Variants in SEMA6D observed in about 807,000 individuals in gnomAD.
The protein encoded by SEMA6D is semaphorin-6D.
Under a neutral mutation model 106.6 loss-of-function variants are expected in SEMA6D, and 35 were observed. The observed-to-expected ratio is 0.33, with a 90% CI of 0.25 to 0.44. SEMA6D has a LOEUF of 0.44. Among genes scored for constraint, SEMA6D ranks in the 20% least tolerant of loss-of-function variants. The pLI is 1.00. For missense variants in SEMA6D, 1,185 were observed against 1,345.9 expected (o/e 0.88, Z 1.87); for synonymous variants, 499 against 487.7 (o/e 1.02, Z -0.31).
At chr15:47,263,602 G>C (rs375194454) in intron 1 of SEMA6D, among the ~76,000 whole-genome samples, 9 of 152,092 alleles carry the variant, frequency 5.9e-5, no homozygotes, top group African/African-American at 2.2e-4. Flanking sequence ...GCTGGTGAGA[G>C]TGTAAATTAG....
chr15:47,694,246 A>T (rs2078652809), intron 4 of SEMA6D, among the ~76,000 whole-genome samples: 1 of 152,150 alleles, frequency 6.6e-6, no homozygotes, highest in Admixed American at 6.6e-5. Context: ...ACATTAATCT[A>T]ATGCAGCAAT....
exon 1 of SEMA6D, chr15:47,184,152 A>C (rs931021339): frequency 6.5e-6 from 1 of 152,932 alleles, no homozygotes; most frequent in African/African-American, 2.4e-5. Flanking sequence ...CTGAGGTGAC[A>C]GGGTGTGGTC....
intron 1 of SEMA6D, among the ~76,000 whole-genome samples, chr15:47,314,253 A>C (rs374384426): frequency 1.2e-4 from 18 of 152,214 alleles, no homozygotes; most frequent in East Asian, 5.8e-4. Flanking sequence ...TTGTCTGCTA[A>C]GATCTTTGGG....
At position 47,764,257 on chromosome 15, in the gene SEMA6D, C is replaced by A; in HGVS notation, c.1049C>A (p.Pro350Gln). Residue 350 changes from proline to glutamine, a missense_variant, in exon 11 of 19, where the codon CCA becomes CAA. This residue lies in a region of SEMA6D where 291 missense variants were observed against 423.8 expected (regional missense o/e 0.69). Coordinates refer to ENST00000536845, the MANE Select transcript of SEMA6D (RefSeq NM_001358351.3). ...GGACGGTTTAAGGAACAGAAAACTCCAGATTCTGTTTGGACAGCAGTTCCC... is the reference window on the plus strand; with the variant it reads ...GGACGGTTTAAGGAACAGAAAACTCAAGATTCTGTTTGGACAGCAGTTCCC... ...FKGRFKEQKT[P>Q]DSVWTAVPED... 1 of 1,613,746 alleles carries A rather than the reference C, an allele frequency of 6.2e-7. No homozygotes were observed. The highest frequency in any genetic ancestry group is 8.5e-7 in the Non-Finnish European group (1 of 1,179,748).
intron 4 of SEMA6D, among the ~76,000 whole-genome samples, chr15:47,691,844 G>C (rs987309364): frequency 4.0e-5 from 4 of 100,944 alleles, no homozygotes; most frequent in Non-Finnish European, 9.0e-5. Context: ...TGGAAGAAAA[G>C]ACAGTAAAAA....
In SEMA6D at chr15:47,341,070, G is replaced by A. The variant is rs149702490; in HGVS notation, c.-238-71323G>A. Among the ~76,000 whole-genome samples the A allele has an allele frequency of 2.0e-4, 31 of 152,220 alleles. No individual in the cohort carries two copies. The East Asian group carries it at 5.2e-3, about 26-fold the overall frequency. On this transcript the variant is annotated intron_variant, in intron 1 of 19. Coordinates refer to the SEMA6D transcript ENST00000558014. ...CTCTCATGTCAGTCAGTGGATTCAG[G>A]TTATGTTTTTTAACAATACCAAAGG...
intron 4 of SEMA6D, among the ~76,000 whole-genome samples, chr15:47,605,093 T>C (rs2076751010): frequency 6.6e-6 from 1 of 152,174 alleles, no homozygotes; most frequent in Non-Finnish European, 1.5e-5. Flanking sequence ...ACATAGTTTC[T>C]GAGAGTCAGG....
rs943743338 is a variant in SEMA6D, at chr15:47,546,122, G to A, written c.-86-54743G>A. Reference sequence around the variant, plus strand: ...TGGAAGGGGTAGGGAAACTTTCAGCGTTGTTATTTGCTGGCATAGAAAGTT... The same window carrying A: ...TGGAAGGGGTAGGGAAACTTTCAGCATTGTTATTTGCTGGCATAGAAAGTT... On this transcript the variant is annotated intron_variant, in intron 3 of 19. Transcript: ENST00000558014. 5.9e-5 allele frequency among the ~76,000 whole-genome samples: 9 copies of A among 152,150 alleles called. No homozygotes were observed. The South Asian group carries it at 1.0e-3, about 18-fold the overall frequency.
At chr15:47,356,332 A>G (rs1384071705) in intron 1 of SEMA6D, among the ~76,000 whole-genome samples, 1 of 152,226 alleles carries the variant, frequency 6.6e-6, no homozygotes, top group Admixed American at 6.5e-5. Context: ...AGAAAAGAAC[A>G]GAATTCAACA....
At chr15:47,594,277 T>G (rs2076496307) in intron 3 of SEMA6D, among the ~76,000 whole-genome samples, 1 of 152,126 alleles carries the variant, frequency 6.6e-6, no homozygotes, top group Admixed American at 6.5e-5. Context: ...TGGTCCCAGG[T>G]TTGGTTGGTT....
intron 4 of SEMA6D, among the ~76,000 whole-genome samples, chr15:47,617,651 A>G (rs1201018106): frequency 2.0e-5 from 3 of 152,228 alleles, no homozygotes; most frequent in Non-Finnish European, 2.9e-5. Context: ...CGGTTTCTAA[A>G]TATACCCTGC....
At chr15:47,199,596 T>C (rs1894584112) in intron 1 of SEMA6D, among the ~76,000 whole-genome samples, 1 of 152,168 alleles carries the variant, frequency 6.6e-6, no homozygotes, top group Non-Finnish European at 1.5e-5. Flanking sequence ...AAAAATGATG[T>C]AGTCCCATTG....
At chr15:47,341,761 ACT>A (rs1163091104) in intron 1 of SEMA6D, among the ~76,000 whole-genome samples, 1 of 152,114 alleles carries the variant, frequency 6.6e-6, no homozygotes, top group African/African-American at 2.4e-5. Context: ...CTCAGAGTAA[ACT>A]CTATAGCTAT....
In SEMA6D at chr15:47,642,060, A is replaced by C. The variant is rs149457632; in HGVS notation, c.-55+41164A>C. Among the ~76,000 whole-genome samples, 23 of 152,346 alleles carry C rather than the reference A, an allele frequency of 1.5e-4. No homozygotes were observed. In the East Asian group the frequency reaches 4.4e-3, roughly 29 times the overall value. ...TCGGTAAATGTTTGCTAAATGAATTATGATCTGTTTCCCCAGCCTTCTTAA... is the reference window on the plus strand; with the variant it reads ...TCGGTAAATGTTTGCTAAATGAATTCTGATCTGTTTCCCCAGCCTTCTTAA... On this transcript the variant is annotated intron_variant, in intron 4 of 19. Transcript: ENST00000558014.
At chr15:47,592,857 A>G (rs769015472) in intron 3 of SEMA6D, among the ~76,000 whole-genome samples, 2 of 152,242 alleles carry the variant, frequency 1.3e-5, no homozygotes, top group African/African-American at 2.4e-5. Context: ...AAAAGTAACA[A>G]TGTTGGCAAT....
At chr15:47,242,446 TG>T (rs2141790459) in intron 1 of SEMA6D, among the ~76,000 whole-genome samples, 1 of 152,266 alleles carries the variant, frequency 6.6e-6, no homozygotes, top group Admixed American at 6.5e-5. Flanking sequence ...GTTGTTCCTT[TG>T]TGTTCTGCAT....
intron 3 of SEMA6D, among the ~76,000 whole-genome samples, chr15:47,501,448 C>T (rs1435096152): frequency 6.6e-6 from 1 of 152,186 alleles, no homozygotes; most frequent in Non-Finnish European, 1.5e-5. Context: ...GAAAGATCCT[C>T]CATGGGACCA....
chr15:47,230,636 C>G (rs532121584), intron 1 of SEMA6D, among the ~76,000 whole-genome samples: 1 of 152,158 alleles, frequency 6.6e-6, no homozygotes, highest in African/African-American at 2.4e-5. Context: ...CTTTCTAAGT[C>G]AGTGGTTCTC....
chr15:47,329,115 C>A (rs1291966315), intron 1 of SEMA6D, among the ~76,000 whole-genome samples: 1 of 152,170 alleles, frequency 6.6e-6, no homozygotes, highest in Non-Finnish European at 1.5e-5. Flanking sequence ...CCATACGCAG[C>A]TGAACAAGAC....
Sources: allele counts gnomAD v4.1 joint callset (sites outside exome capture counted in the v4.1 genomes callset), GRCh38; gene constraint gnomAD v4.1.1; regional missense constraint gnomAD v4.1.1; transcripts MANE v1.5; gene names NCBI Gene and HGNC (gene_info 2026-07-23, HGNC 2026-07-21).